The following NBEA variants were observed in gnomAD, a reference collection of about 807,000 sequenced individuals.
NBEA encodes the protein lysosomal-trafficking regulator 2.
Under a neutral mutation model 343.4 loss-of-function variants are expected in NBEA, and 44 were observed. That is an observed-to-expected ratio of 0.13 (90% confidence interval 0.10 to 0.16). The LOEUF is 0.16. NBEA is among the 10% of genes least tolerant of loss of function. The pLI, the probability that NBEA is intolerant of heterozygous loss-of-function variation, is 1.00. For synonymous variants in NBEA, 1,175 were observed against 1,238.7 expected (o/e 0.95, Z 1.08); for missense variants, 2,555 against 3,631.3 (o/e 0.70, Z 7.62).
At chr13:35,106,298 A>T (rs184707255) in intron 11 of NBEA, among the ~76,000 whole-genome samples, 8 of 152,172 alleles carry the variant, frequency 5.3e-5, no homozygotes, top group Admixed American at 4.6e-4. Context: ...ATACCAAAAT[A>T]TAAAAATATT....
chr13:35,027,962 A>G (rs1403208136), intron 1 of NBEA, among the ~76,000 whole-genome samples: 1 of 151,810 alleles, frequency 6.6e-6, no homozygotes, highest in Non-Finnish European at 1.5e-5. Context: ...TTGCTTTTGT[A>G]TCTTTTTTGA....
At chr13:35,293,912 G>A (rs953111846) in intron 35 of NBEA, among the ~76,000 whole-genome samples, 16 of 152,050 alleles carry the variant, frequency 1.1e-4, no homozygotes, top group African/African-American at 3.9e-4. Flanking sequence ...TTTATAAATT[G>A]AGAAACTGTA....
chr13:35,227,770 T>A (rs2074738374), intron 33 of NBEA, among the ~76,000 whole-genome samples: 1 of 151,942 alleles, frequency 6.6e-6, no homozygotes, highest in Non-Finnish European at 1.5e-5. Context: ...TAAGTAAAAA[T>A]GACTTTATGA....
At chr13:35,424,202 G>A (rs979805279) in intron 38 of NBEA, among the ~76,000 whole-genome samples, 6 of 152,270 alleles carry the variant, frequency 3.9e-5, no homozygotes, top group South Asian at 2.1e-4. Flanking sequence ...TAGGAGTGGT[G>A]AGAGAGGGCA....
At chr13:35,424,941 T>G (rs1469946596) in intron 38 of NBEA, among the ~76,000 whole-genome samples, 1 of 152,178 alleles carries the variant, frequency 6.6e-6, no homozygotes, top group Non-Finnish European at 1.5e-5. Context: ...TGCATAGAGG[T>G]GTTTATAGTA....
Position 35,583,986 on chromosome 13 carries a change from A to G in NBEA, c.7124A>G (p.Tyr2375Cys). The G allele has an allele frequency of 1.2e-6, 2 of 1,613,512 alleles. No homozygotes were observed. Among genetic ancestry groups the G allele is most frequent in the Non-Finnish European group, 1.7e-6 (2 of 1,179,526 alleles). Residue 2375 changes from tyrosine (Y) to cysteine (C), a missense_variant, in exon 46 of 59, where the codon TAT (tyrosine) becomes TGT (cysteine). Coordinates refer to ENST00000379939, the MANE Select transcript of NBEA (RefSeq NM_001385012.1). Reference sequence around the variant, plus strand: ...GATGATCAAAGCCCACCCTACCATTATAATACCCATTATTCAACAGCAACA... The same window carrying G: ...GATGATCAAAGCCCACCCTACCATTGTAATACCCATTATTCAACAGCAACA... ...WEDDQSPPYH[Y>C]NTHYSTATST...
At chr13:35,532,639 G>A (rs1006568729) in intron 41 of NBEA, among the ~76,000 whole-genome samples, 4 of 152,038 alleles carry the variant, frequency 2.6e-5, no homozygotes, top group Admixed American at 6.6e-5. Context: ...AGAAAAACAC[G>A]TATTTAGAAG....
intron 34 of NBEA, among the ~76,000 whole-genome samples, chr13:35,240,133 G>A (rs767095160): frequency 4.6e-5 from 7 of 151,616 alleles, no homozygotes; most frequent in Admixed American, 1.3e-4. Flanking sequence ...CTATGTATTC[G>A]TAATGATAAT....
intron 49 of NBEA, among the ~76,000 whole-genome samples, chr13:35,645,123 A>G (rs2084163096): frequency 6.6e-6 from 1 of 152,194 alleles, no homozygotes; most frequent in South Asian, 2.1e-4. Context: ...GTACTTTATA[A>G]ATTAGAATTG....
intron 41 of NBEA, among the ~76,000 whole-genome samples, chr13:35,523,141 C>T (rs573707307): frequency 4.6e-5 from 7 of 152,088 alleles, no homozygotes; most frequent in African/African-American, 7.2e-5. Flanking sequence ...TAGTGACCAC[C>T]CTTTCTGAGT....
intron 34 of NBEA, among the ~76,000 whole-genome samples, chr13:35,258,011 A>C (rs1039465217): frequency 6.6e-6 from 1 of 152,160 alleles, no homozygotes; most frequent in South Asian, 2.1e-4. Context: ...TATTATTTTT[A>C]TTTGTAATGA....
chr13:35,575,037 C>G (rs975503480), intron 45 of NBEA, among the ~76,000 whole-genome samples: 6 of 152,238 alleles, frequency 3.9e-5, no homozygotes, highest in African/African-American at 1.4e-4. Context: ...ACCATGCGGC[C>G]AAGTGCTAAT....
chr13:35,510,352 T>C (rs1018428057), intron 41 of NBEA, among the ~76,000 whole-genome samples: 1 of 152,208 alleles, frequency 6.6e-6, no homozygotes, highest in Non-Finnish European at 1.5e-5. Flanking sequence ...TAGTTTTGCA[T>C]TTTTGTAGCA....
At chr13:35,441,168 T>C (rs1231320698) in intron 39 of NBEA, among the ~76,000 whole-genome samples, 1 of 152,150 alleles carries the variant, frequency 6.6e-6, no homozygotes, top group Admixed American at 6.5e-5. Flanking sequence ...ACCCCCATTT[T>C]CCATCATCTC....
intron 38 of NBEA, among the ~76,000 whole-genome samples, chr13:35,407,315 T>C (rs557566872): frequency 1.3e-5 from 2 of 152,082 alleles, no homozygotes; most frequent in African/African-American, 4.8e-5. Context: ...TTAAAGACTA[T>C]AAAACCACTT....
intron 10 of NBEA, among the ~76,000 whole-genome samples, chr13:35,090,765 A>C (rs1254037753): frequency 6.6e-6 from 1 of 151,726 alleles, no homozygotes; most frequent in East Asian, 1.9e-4. Context: ...GAGTGAGCAC[A>C]CTCTACCCTG....
At chr13:35,058,061 G>A (rs928216268) in intron 7 of NBEA, among the ~76,000 whole-genome samples, 6 of 152,086 alleles carry the variant, frequency 3.9e-5, no homozygotes, top group African/African-American at 1.4e-4. Flanking sequence ...TGGGTGGGCG[G>A]GGTGTAAGAA....
Position 35,472,533 on chromosome 13 carries a change from G to A in NBEA, c.6582G>A (p.Thr2194=), listed in dbSNP as rs767487478. Residue 2194 remains threonine (T), a synonymous_variant, in exon 41 of 59, where the codon ACG becomes ACA. Coordinates refer to ENST00000379939, the MANE Select transcript of NBEA (RefSeq NM_001385012.1). The part of the protein sequence containing the change: ...EDDSAFKKID[T]KVLAYTEGLH... ...ATTCTGCCTTCAAGAAGATCGACAC[G>A]AAAGTGAGTTAAAGCGATTCCATGT... 20 of 1,613,988 alleles carry A rather than the reference G, an allele frequency of 1.2e-5. 2 individuals are homozygous for A. The South Asian group carries it at 1.9e-4, about 15-fold the overall frequency.
intron 30 of NBEA, among the ~76,000 whole-genome samples, chr13:35,194,586 A>G (rs979537631): frequency 6.6e-6 from 1 of 152,122 alleles, no homozygotes; most frequent in African/African-American, 2.4e-5. Context: ...CTGAGCTTCT[A>G]CTTTAAAGTG....
Sources: gnomAD v4.1 joint callset for allele counts (sites outside exome capture counted in the v4.1 genomes callset) on GRCh38, gnomAD v4.1.1 for gene constraint, MANE v1.5 for transcripts, NCBI Gene and HGNC (gene_info 2026-07-23, HGNC 2026-07-21) for gene names.